NDST3: variants seen among roughly 807,000 people sequenced by gnomAD.
NDST3 encodes the protein bifunctional heparan sulfate N-deacetylase/N-sulfotransferase 3.
A neutral mutation model predicts 96.1 loss-of-function variants in NDST3; 58 were observed. The observed-to-expected ratio is 0.60, with a 90% CI of 0.49 to 0.75. The LOEUF is 0.75. Among genes scored for constraint, NDST3 ranks in the 30% least tolerant of loss-of-function variants. The pLI is 0.00. For synonymous variants in NDST3, 333 were observed against 359.7 expected (o/e 0.93, Z 0.84); for missense variants, 788 against 1,034.2 (o/e 0.76, Z 3.27).
intron 6 of NDST3, among the ~76,000 whole-genome samples, chr4:118,191,912 A>G (rs141503234): frequency 4.6e-5 from 7 of 152,240 alleles, no homozygotes; most frequent in African/African-American, 1.7e-4. Context: ...ATAATGTATG[A>G]GGGTTCTCTT....
chr4:118,065,490 GT>G lies in NDST3; in HGVS notation c.981+10600del, dbSNP rs146234527. Among the ~76,000 whole-genome samples the G allele has an allele frequency of 4.5e-3, 682 of 152,128 alleles. 9 individuals carry two copies. Among genetic ancestry groups the G allele is most frequent in the African/African-American group, 0.016 (644 of 41,544 alleles). On this transcript the variant is annotated intron_variant, in intron 2 of 13. Coordinates refer to ENST00000296499, the MANE Select transcript of NDST3 (RefSeq NM_004784.3). ...AAGATTGCTTGGTTGGAGCAGATGT[GT>G]GACTATCATCAATTCATTACTTTAG...
intron 12 of NDST3, among the ~76,000 whole-genome samples, chr4:118,246,376 C>T (rs1741310198): frequency 6.6e-6 from 1 of 152,124 alleles, no homozygotes; most frequent in Non-Finnish European, 1.5e-5. Flanking sequence ...AAGGCCGTGG[C>T]AGATGGGTCA....
At chr4:118,224,466 A>C (rs776358561) in intron 6 of NDST3, 25 bp from the exon 7 acceptor site, 2 of 1,582,056 alleles carry the variant, frequency 1.3e-6, no homozygotes, top group Non-Finnish European at 1.7e-6. Flanking sequence ...TGTTATTTAC[A>C]CTGAAGTTCA....
At chr4:118,152,239 A>G (rs988972923) in intron 6 of NDST3, among the ~76,000 whole-genome samples, 1 of 152,160 alleles carries the variant, frequency 6.6e-6, no homozygotes, top group African/African-American at 2.4e-5. Flanking sequence ...TTCTTTACAC[A>G]TGCATTTGTC....
At chr4:118,252,979 G>A (rs1741853006) in intron 12 of NDST3, among the ~76,000 whole-genome samples, 2 of 151,994 alleles carry the variant, frequency 1.3e-5, no homozygotes, top group Admixed American at 1.3e-4. Flanking sequence ...AAGTAGCTCT[G>A]AAAAAAATTA....
At chr4:118,255,002 T>C (rs4834673) in intron 13 of NDST3, among the ~76,000 whole-genome samples, 62,624 of 152,008 alleles carry the variant, frequency 0.41, 13,356 homozygotes, top group East Asian at 0.58. Flanking sequence ...CCAAAAGAAA[T>C]TGACATACAA....
At chr4:118,244,143 T>G (rs981581545) in intron 12 of NDST3, among the ~76,000 whole-genome samples, 3 of 152,184 alleles carry the variant, frequency 2.0e-5, no homozygotes, top group African/African-American at 7.2e-5. Context: ...CAATCATCAA[T>G]TGGCCTGACA....
At chr4:118,252,900 G>T (rs1741846169) in intron 12 of NDST3, among the ~76,000 whole-genome samples, 1 of 151,448 alleles carries the variant, frequency 6.6e-6, no homozygotes, top group South Asian at 2.1e-4. Flanking sequence ...TCAAAAAAGA[G>T]AAAGAAAAAA....
chr4:118,073,627 G>A (rs1372482483), intron 2 of NDST3, among the ~76,000 whole-genome samples: 1 of 151,736 alleles, frequency 6.6e-6, no homozygotes, highest in East Asian at 1.9e-4. Flanking sequence ...CTCTTTATTT[G>A]TCTAGTTAGC....
intron 1 of NDST3, among the ~76,000 whole-genome samples, chr4:118,035,800 A>G (rs747092367): frequency 5.3e-5 from 8 of 151,952 alleles, no homozygotes; most frequent in Non-Finnish European, 1.0e-4. Context: ...TTCTTTGTGT[A>G]AATAATGTTA....
chr4:118,193,847 T>A, intron 6 of NDST3: 1 of 1,273,722 alleles, frequency 7.9e-7, no homozygotes, highest in Non-Finnish European at 1.1e-6. Context: ...CTGTGCCTTC[T>A]GTGTTTCCTC....
At chr4:118,070,798 TC>T (rs1054237476) in intron 2 of NDST3, among the ~76,000 whole-genome samples, 1 of 151,706 alleles carries the variant, frequency 6.6e-6, no homozygotes, top group East Asian at 1.9e-4. Context: ...CCCTCCCCAC[TC>T]CCCCCACCTC....
At chr4:118,096,035 T>A (rs1275580900) in intron 2 of NDST3, among the ~76,000 whole-genome samples, 2 of 151,942 alleles carry the variant, frequency 1.3e-5, no homozygotes. Flanking sequence ...CATGAACATG[T>A]ATGTAGAAGT....
intron 2 of NDST3, among the ~76,000 whole-genome samples, chr4:118,076,228 GT>G (rs1249087471): frequency 6.6e-6 from 1 of 152,042 alleles, no homozygotes; most frequent in Non-Finnish European, 1.5e-5. Flanking sequence ...TGCCTTTAAT[GT>G]TTTTTCTTTC....
At chr4:118,088,329 T>C (rs1019454172) in intron 2 of NDST3, among the ~76,000 whole-genome samples, 3 of 152,086 alleles carry the variant, frequency 2.0e-5, no homozygotes, top group Non-Finnish European at 4.4e-5. Context: ...ACTAAAACTT[T>C]GGTCAAAATA....
chr4:118,197,902 C>T (rs1181722963), intron 6 of NDST3, among the ~76,000 whole-genome samples: 1 of 150,544 alleles, frequency 6.6e-6, no homozygotes, highest in African/African-American at 2.4e-5. Flanking sequence ...TGGATTCAAG[C>T]AATTCTCCTG....
chr4:118,212,298 G>C (rs1017021802), intron 6 of NDST3, among the ~76,000 whole-genome samples: 1 of 152,176 alleles, frequency 6.6e-6, no homozygotes, highest in African/African-American at 2.4e-5. Context: ...CACTTAGTGG[G>C]GGCAAGGTGG....
chr4:118,146,987 T>G (rs1467155852), intron 6 of NDST3, among the ~76,000 whole-genome samples: 2 of 152,232 alleles, frequency 1.3e-5, no homozygotes, highest in African/African-American at 4.8e-5. Context: ...ACTTGTACTC[T>G]CTGGGACAAT....
chr4:118,118,983 G>A (rs1267597400), intron 4 of NDST3, among the ~76,000 whole-genome samples: 2 of 152,102 alleles, frequency 1.3e-5, no homozygotes, highest in Non-Finnish European at 2.9e-5. Context: ...TGATAAAATA[G>A]TTAATAGATA....
Sources: gnomAD v4.1 joint callset for allele counts (sites outside exome capture counted in the v4.1 genomes callset) on GRCh38, gnomAD v4.1.1 for gene constraint, MANE v1.5 for transcripts, NCBI Gene and HGNC (gene_info 2026-07-23, HGNC 2026-07-21) for gene names.